The following LHPP variants were observed in gnomAD, a reference collection of about 807,000 sequenced individuals.
The protein encoded by LHPP is hLHPP.
LHPP carries 24 observed loss-of-function variants against 30.3 expected under a neutral mutation model. The ratio of observed to expected loss-of-function variants is 0.79; its 90% CI spans 0.57 to 1.11. The LOEUF (loss-of-function observed/expected upper bound fraction) is 1.11, where lower values mean the gene tolerates loss of function less well. Ranked by LOEUF, LHPP falls within the 50% of genes most tolerant of loss-of-function variation. The probability of loss-of-function intolerance (pLI) is 0.00; values close to 1 mark genes in which losing one functional copy is unlikely to be tolerated. For synonymous variants in LHPP, 150 were observed against 157.1 expected, an observed-to-expected ratio of 0.95 and a Z score of 0.34; for missense variants, 356 against 367.2, an observed-to-expected ratio of 0.97 and a Z score of 0.25.
intron 4 of LHPP, 114 bp downstream of exon 4, chr10:124,497,138 C>T (rs3824809): frequency 0.7 from 576,533 of 822,090 alleles, 204,404 homozygotes; most frequent in South Asian, 0.8. Flanking sequence ...GCCTTTTGGG[C>T]TTCCACAAAG....
chr10:124,524,552 C>T (rs905135950), intron 6 of LHPP, among the ~76,000 whole-genome samples: 3 of 152,182 alleles, frequency 2.0e-5, no homozygotes, highest in African/African-American at 7.2e-5. Flanking sequence ...GCTGGGATTA[C>T]AGGCATGAGC....
intron 5 of LHPP, among the ~76,000 whole-genome samples, chr10:124,507,653 G>A (rs1191052488): frequency 2.9e-5 from 1 of 34,286 alleles, no homozygotes; most frequent in Non-Finnish European, 4.7e-5. Flanking sequence ...TCAGGTGGGG[G>A]GATAGGGAGT....
At chr10:124,584,589 C>A (rs183132489) in intron 6 of LHPP, among the ~76,000 whole-genome samples, 125 of 152,280 alleles carry the variant, frequency 8.2e-4, no homozygotes, top group African/African-American at 2.9e-3. Flanking sequence ...TAATCCTGTT[C>A]ATGAGAGCAG....
chr10:124,534,481 C>T (rs1169545451), intron 6 of LHPP, among the ~76,000 whole-genome samples: 10 of 152,276 alleles, frequency 6.6e-5, no homozygotes, highest in Middle Eastern at 3.4e-3. Flanking sequence ...GGCCTAGGGC[C>T]GGGGAAAGGC....
rs1174096327 is a variant in LHPP at position 124,467,724 on chromosome 10, T to C, written c.125+5737T>C. On this transcript the variant is annotated intron_variant, in intron 1 of 6. Coordinates refer to ENST00000368842, the MANE Select transcript of LHPP (RefSeq NM_022126.4). ...TGTGTGTGTTTTTTGTTGTTGTTGT[T>C]GTTGTTGTTTTGAGACAGTCTCACT... 4.0e-5 allele frequency among the ~76,000 whole-genome samples: 6 copies of C among 151,228 alleles called. No homozygotes were observed. In the East Asian group the frequency reaches 1.2e-3, roughly 29 times the overall value.
At chr10:124,607,719 GGT>G (rs1383712626) in intron 6 of LHPP, among the ~76,000 whole-genome samples, 1 of 152,188 alleles carries the variant, frequency 6.6e-6, no homozygotes, top group African/African-American at 2.4e-5. Flanking sequence ...AATCATGGGC[GGT>G]GTTTGCTGGA....
At chr10:124,560,724 G>C (rs1180694381) in intron 6 of LHPP, among the ~76,000 whole-genome samples, 4 of 152,208 alleles carry the variant, frequency 2.6e-5, no homozygotes, top group Non-Finnish European at 4.4e-5. Context: ...GAGGGGCCTG[G>C]GGTTTGGCTC....
chr10:124,463,820 CTTTTTTT>C (rs35122241), intron 1 of LHPP, among the ~76,000 whole-genome samples: 2 of 120,774 alleles, frequency 1.7e-5, no homozygotes, highest in African/African-American at 3.0e-5. Context: ...ATTTTTTTTT[CTTTTTTT>C]TTTTTTTTTT....
At chr10:124,564,375 G>A (rs150950778) in intron 6 of LHPP, among the ~76,000 whole-genome samples, 5,696 of 151,904 alleles carry the variant, frequency 0.037, 151 homozygotes, top group South Asian at 0.056. Context: ...TGCCCACCTT[G>A]GCCTCCCAAA....
chr10:124,474,521 C>T (rs1245082707), intron 1 of LHPP, among the ~76,000 whole-genome samples: 1 of 152,148 alleles, frequency 6.6e-6, no homozygotes, highest in East Asian at 1.9e-4. Context: ...GTATTTTCCA[C>T]ATCTGTTTGT....
intron 1 of LHPP, among the ~76,000 whole-genome samples, chr10:124,471,563 T>C (rs1416275667): frequency 4.2e-4 from 23 of 54,988 alleles, no homozygotes; most frequent in African/African-American, 1.3e-3. Flanking sequence ...TATTTATATA[T>C]ATATAAATTT....
At chr10:124,472,548 T>A (rs1952814573) in intron 1 of LHPP, among the ~76,000 whole-genome samples, 1 of 151,744 alleles carries the variant, frequency 6.6e-6, no homozygotes, top group South Asian at 2.1e-4. Flanking sequence ...TAGAATAATG[T>A]GTATAAACTT....
intron 5 of LHPP, among the ~76,000 whole-genome samples, chr10:124,502,294 G>T (rs1294779224): frequency 6.6e-6 from 1 of 151,868 alleles, no homozygotes; most frequent in African/African-American, 2.4e-5. Context: ...CTTTATCTGT[G>T]AACTCTGATC....
At chr10:124,553,833 G>C (rs1948234052) in intron 6 of LHPP, 1 of 961,650 alleles carries the variant, frequency 1.0e-6, no homozygotes, top group African/African-American at 1.8e-5. Context: ...CCTCCCCCGG[G>C]CCAGGCCCCT....
At chr10:124,513,833 T>C (rs1954380533) in intron 5 of LHPP, among the ~76,000 whole-genome samples, 1 of 149,956 alleles carries the variant, frequency 6.7e-6, no homozygotes, top group Admixed American at 6.7e-5. Context: ...CAATAACACA[T>C]GTTAATGTGG....
At chr10:124,465,528 C>T (rs899185095) in intron 1 of LHPP, among the ~76,000 whole-genome samples, 5 of 152,142 alleles carry the variant, frequency 3.3e-5, no homozygotes, top group African/African-American at 1.2e-4. Flanking sequence ...GCAAAAACAA[C>T]GAACAAGCAG....
intron 1 of LHPP, among the ~76,000 whole-genome samples, chr10:124,475,337 C>T (rs907556825): frequency 6.6e-6 from 1 of 150,920 alleles, no homozygotes; most frequent in Non-Finnish European, 1.5e-5. Context: ...GTCAGGAGTT[C>T]GAGACCAGCC....
intron 6 of LHPP, among the ~76,000 whole-genome samples, chr10:124,574,737 G>C (rs1948636258): frequency 6.6e-6 from 1 of 152,164 alleles, no homozygotes; most frequent in African/African-American, 2.4e-5. Flanking sequence ...TGGAGCTGAG[G>C]CTGGGGGAGG....
At chr10:124,609,895 T>C (rs1949146130) in intron 6 of LHPP, among the ~76,000 whole-genome samples, 1 of 151,276 alleles carries the variant, frequency 6.6e-6, no homozygotes, top group Non-Finnish European at 1.5e-5. Flanking sequence ...ATCCTCCCCC[T>C]GGCGGGCATT....
Sources: allele counts gnomAD v4.1 joint callset (sites outside exome capture counted in the v4.1 genomes callset), GRCh38; gene constraint gnomAD v4.1.1; transcripts MANE v1.5; gene names NCBI Gene and HGNC (gene_info 2026-07-23, HGNC 2026-07-21).